Variants in ZFHX3 observed in about 807,000 individuals in gnomAD.
ZFHX3 encodes the protein zinc finger homeobox protein 3.
A neutral mutation model predicts 279.1 loss-of-function variants in ZFHX3; 42 were observed. The ratio of observed to expected loss-of-function variants is 0.15; its 90% CI spans 0.12 to 0.19. The LOEUF (loss-of-function observed/expected upper bound fraction) is 0.19, where lower values mean the gene tolerates loss of function less well. Ranked by LOEUF, ZFHX3 falls within the 10% of genes least tolerant of loss-of-function variation. The pLI, the probability that ZFHX3 is intolerant of heterozygous loss-of-function variation, is 1.00. For missense variants in ZFHX3, 4,981 were observed against 4,754.0 expected (o/e 1.05, Z -1.40); for synonymous variants, 2,293 against 1,957.8 (o/e 1.17, Z -4.52).
chr16:73,683,299 G>T (rs1206065656), intron 1 of ZFHX3, among the ~76,000 whole-genome samples: 1 of 152,190 alleles, frequency 6.6e-6, no homozygotes, highest in Non-Finnish European at 1.5e-5. Context: ...AGAGCAGGGT[G>T]TATGTGTGTT....
At chr16:73,294,117 G>T (rs2014845086) in intron 4 of ZFHX3, 1 of 151,874 alleles carries the variant, frequency 6.6e-6, no homozygotes, top group African/African-American at 2.4e-5. Context: ...TAGTGACAGA[G>T]CTTGTTGTGT....
chr16:73,748,070 G>A (rs2053720370), intron 1 of ZFHX3, among the ~76,000 whole-genome samples: 2 of 152,090 alleles, frequency 1.3e-5, no homozygotes, highest in South Asian at 4.1e-4. Context: ...CTATCCAGTG[G>A]GTTGTAGGAA....
At chr16:73,544,178 C>T (rs556440504) in intron 2 of ZFHX3, among the ~76,000 whole-genome samples, 2 of 151,890 alleles carry the variant, frequency 1.3e-5, no homozygotes, top group Admixed American at 6.5e-5. Context: ...TTGCCTAGGA[C>T]CTGGGTTAGG....
intron 3 of ZFHX3, among the ~76,000 whole-genome samples, chr16:73,371,660 A>T (rs2016633717): frequency 6.6e-6 from 1 of 152,158 alleles, no homozygotes; most frequent in Non-Finnish European, 1.5e-5. Context: ...AGTGAGGCTC[A>T]CAGAGGCAGC....
intron 5 of ZFHX3, among the ~76,000 whole-genome samples, chr16:73,190,829 G>A (rs959140686): frequency 6.6e-6 from 1 of 152,136 alleles, no homozygotes; most frequent in Non-Finnish European, 1.5e-5. Flanking sequence ...TATGTGTGGG[G>A]GAGAGCAGAG....
chr16:73,250,674 C>G (rs1182815933), intron 5 of ZFHX3, among the ~76,000 whole-genome samples: 1 of 151,940 alleles, frequency 6.6e-6, no homozygotes, highest in African/African-American at 2.4e-5. Context: ...GTTGGGACTA[C>G]AGGTGCCCGC....
At position 73,667,072 on chromosome 16, in the gene ZFHX3, A is replaced by G. The variant is rs548991713; in HGVS notation, c.-1547+13108T>C. On this transcript the variant is annotated intron_variant, in intron 2 of 17. Transcript: ENST00000641206. ...AGTGGCACCATCTCGGCTCACTACA[A>G]CCTCCACCTCTCGGGTTCAAGCGAT... Among the ~76,000 whole-genome samples, 3 of 151,390 alleles carry G rather than the reference A, an allele frequency of 2.0e-5. No homozygotes were observed. The East Asian group carries it at 5.8e-4, about 29-fold the overall frequency.
chr16:73,867,260 A>T (rs1231316328), intron 1 of ZFHX3, among the ~76,000 whole-genome samples: 1 of 152,146 alleles, frequency 6.6e-6, no homozygotes, highest in Non-Finnish European at 1.5e-5. Context: ...GTTCAAACCA[A>T]CACTTCGACA....
At chr16:73,459,568 A>C (rs911955809) in intron 2 of ZFHX3, among the ~76,000 whole-genome samples, 2 of 152,074 alleles carry the variant, frequency 1.3e-5, no homozygotes, top group African/African-American at 2.4e-5. Context: ...GGGTTTCACC[A>C]TGTTGGCCAG....
chr16:73,512,530 T>G (rs1039002885), intron 2 of ZFHX3, among the ~76,000 whole-genome samples: 6 of 151,962 alleles, frequency 3.9e-5, no homozygotes, highest in Admixed American at 2.6e-4. Context: ...TAAAACATTT[T>G]TTTTTTACAG....
chr16:73,849,159 A>T (rs1174542440), intron 1 of ZFHX3, among the ~76,000 whole-genome samples: 1 of 152,310 alleles, frequency 6.6e-6, no homozygotes, highest in Admixed American at 6.5e-5. Flanking sequence ...ATACATCTAT[A>T]AACATGGTCA....
At chr16:72,878,659 T>C (rs1007085709) in intron 4 of ZFHX3, among the ~76,000 whole-genome samples, 1 of 152,214 alleles carries the variant, frequency 6.6e-6, no homozygotes, top group Admixed American at 6.5e-5. Flanking sequence ...CACTGTTATC[T>C]AGACACAAAG....
upstream of ZFHX3, among the ~76,000 whole-genome samples, chr16:73,050,841 T>C (rs543822090): frequency 4.6e-5 from 7 of 152,318 alleles, no homozygotes; most frequent in East Asian, 1.9e-4. Flanking sequence ...GAAAGCGTAA[T>C]TGGCAACAGC....
chr16:73,003,399 C>T (rs890103073), intron 1 of ZFHX3, among the ~76,000 whole-genome samples: 2 of 151,602 alleles, frequency 1.3e-5, no homozygotes, highest in Admixed American at 6.6e-5. Flanking sequence ...AAGGATAATA[C>T]ATTTTTTGCT....
chr16:73,326,347 G>T (rs1417785321), intron 3 of ZFHX3, among the ~76,000 whole-genome samples: 1 of 152,188 alleles, frequency 6.6e-6, no homozygotes, highest in African/African-American at 2.4e-5. Flanking sequence ...TTCAACAGCA[G>T]TAAGTTCAGA....
chr16:72,950,039 G>C (rs1298076625), intron 3 of ZFHX3, among the ~76,000 whole-genome samples: 1 of 148,004 alleles, frequency 6.8e-6, no homozygotes, highest in Admixed American at 6.7e-5. Flanking sequence ...AAGAAGGAAG[G>C]GAGGAACAAA....
chr16:73,878,157 G>A (rs188156729), intron 1 of ZFHX3, among the ~76,000 whole-genome samples: 82 of 151,990 alleles, frequency 5.4e-4, no homozygotes, highest in African/African-American at 1.8e-3. Flanking sequence ...CTAACATCAA[G>A]CAATGACAAC....
intron 2 of ZFHX3, among the ~76,000 whole-genome samples, chr16:73,678,269 A>T (rs1340405772): frequency 6.6e-6 from 1 of 152,148 alleles, no homozygotes; most frequent in Non-Finnish European, 1.5e-5. Context: ...GTCACACTGT[A>T]GAAGACCATT....
intron 2 of ZFHX3, among the ~76,000 whole-genome samples, chr16:73,484,083 T>C (rs1426402730): frequency 6.6e-6 from 1 of 152,032 alleles, no homozygotes; most frequent in African/African-American, 2.4e-5. Flanking sequence ...GAAGAGCTGC[T>C]TTCTGTTGCC....
Sources: allele counts gnomAD v4.1 joint callset (sites outside exome capture counted in the v4.1 genomes callset), GRCh38; gene constraint gnomAD v4.1.1; transcripts MANE v1.5; gene names NCBI Gene and HGNC (gene_info 2026-07-23, HGNC 2026-07-21).